The following CAMK2B variants were observed in gnomAD, a reference collection of about 807,000 sequenced individuals.
The protein encoded by CAMK2B is calcium/calmodulin dependent protein kinase II beta.
Under a neutral mutation model 93.7 loss-of-function variants are expected in CAMK2B, and 27 were observed. The ratio of observed to expected loss-of-function variants is 0.29; its 90% confidence interval spans 0.21 to 0.40. CAMK2B has a LOEUF of 0.40. Ranked by LOEUF, CAMK2B falls within the 10% of genes least tolerant of loss-of-function variation. The probability of loss-of-function intolerance (pLI) is 1.00; values close to 1 mark genes in which losing one functional copy is unlikely to be tolerated. For synonymous variants in CAMK2B, 374 were observed against 358.8 expected, an observed-to-expected ratio of 1.04 and a Z score of -0.48; for missense variants, 568 against 895.8, an observed-to-expected ratio of 0.63 and a Z score of 4.67.
At chr7:44,296,828 C>A (rs1788446973) in intron 1 of CAMK2B, among the ~76,000 whole-genome samples, 1 of 151,722 alleles carries the variant, frequency 6.6e-6, no homozygotes, top group Non-Finnish European at 1.5e-5. Flanking sequence ...GAGAAATTAT[C>A]CATCAAAAAT....
intron 18 of CAMK2B, 31 bp downstream of exon 18, chr7:44,229,357 C>T: frequency 7.0e-7 from 1 of 1,437,936 alleles, no homozygotes. Context: ...TCCAACATGA[C>T]CCCCACAGCA....
chr7:44,285,830 AGGGGGCGCGGTGTG>A (rs1350095408), intron 1 of CAMK2B, among the ~76,000 whole-genome samples: 7 of 24,382 alleles, frequency 2.9e-4, no homozygotes, highest in African/African-American at 1.1e-3. Context: ...GGCGCGGCGG[AGGGGGCGCGGTGTG>A]GGGGGGACAC....
intron 1 of CAMK2B, among the ~76,000 whole-genome samples, chr7:44,305,376 T>C (rs1791176717): frequency 6.6e-6 from 1 of 152,178 alleles, no homozygotes; most frequent in Non-Finnish European, 1.5e-5. Context: ...CCCAGCACTT[T>C]GGGAGGCCAA....
intron 1 of CAMK2B, among the ~76,000 whole-genome samples, chr7:44,323,568 G>A (rs778050524): frequency 2.0e-5 from 3 of 152,222 alleles, no homozygotes; most frequent in Non-Finnish European, 2.9e-5. Flanking sequence ...GCCGCTGGAC[G>A]CAGGGAGGCT....
chr7:44,301,370 C>T (rs570539120), intron 1 of CAMK2B, among the ~76,000 whole-genome samples: 1 of 152,336 alleles, frequency 6.6e-6, no homozygotes, highest in East Asian at 1.9e-4. Flanking sequence ...CTCCTGTCCT[C>T]AAGTGGTTCT....
intron 22 of CAMK2B, 139 bp downstream of exon 22, chr7:44,220,477 G>C: frequency 1.2e-6 from 1 of 863,262 alleles, no homozygotes. Flanking sequence ...GGCCTCTGGC[G>C]GGGGAGAGGT....
chr7:44,286,879 C>G lies in CAMK2B; in HGVS notation c.66-2654G>C, dbSNP rs887787678. On this transcript the variant is annotated intron_variant, in intron 1 of 23. Transcript: ENST00000395749. This position sits in a 1 kb window ranked among gnomAD's most constrained non-coding sequence, Gnocchi z 4.0. Reference sequence around the variant, plus strand: ...CGGGATGAGTGTGGAGTGGGAGCACCAGGCCGCACAGCTGTAGTGACATAG... The same window carrying G: ...CGGGATGAGTGTGGAGTGGGAGCACGAGGCCGCACAGCTGTAGTGACATAG... Among the ~76,000 whole-genome samples, 3 of 152,018 alleles carry G rather than the reference C, an allele frequency of 2.0e-5. No homozygotes were observed. The highest frequency in any genetic ancestry group is 6.5e-5 in the Admixed American group (1 of 15,272).
At chr7:44,270,306 T>G (rs1428530608) in intron 2 of CAMK2B, among the ~76,000 whole-genome samples, 1 of 152,134 alleles carries the variant, frequency 6.6e-6, no homozygotes, top group Admixed American at 6.5e-5. Context: ...TGCCCTGGCC[T>G]GGAAGCAGTG....
chr7:44,242,368 G>T (rs370554139), intron 9 of CAMK2B, 28 bp from the exon 10 acceptor site: 42 of 1,603,594 alleles, frequency 2.6e-5, no homozygotes, highest in Non-Finnish European at 3.6e-5. Context: ...GCCCCGGCCG[G>T]GCCTGAAGCT....
At chr7:44,268,994 G>A (rs1227605328) in intron 2 of CAMK2B, among the ~76,000 whole-genome samples, 1 of 152,224 alleles carries the variant, frequency 6.6e-6, no homozygotes, top group East Asian at 1.9e-4. Context: ...TGTGGAGGGA[G>A]CTCCTCCCCT....
chr7:44,259,135 A>G (rs1347991075), intron 3 of CAMK2B, among the ~76,000 whole-genome samples: 4 of 152,088 alleles, frequency 2.6e-5, no homozygotes, highest in African/African-American at 9.7e-5. Flanking sequence ...CCCAGCGAGC[A>G]CCCACAGGGC....
chr7:44,235,276 C>A (rs1309917295), intron 13 of CAMK2B, among the ~76,000 whole-genome samples: 1 of 152,258 alleles, frequency 6.6e-6, no homozygotes, highest in African/African-American at 2.4e-5. Context: ...TGCTCGCCCT[C>A]ATTCCGAGCT....
chr7:44,276,273 C>A (rs1003140982), intron 2 of CAMK2B, among the ~76,000 whole-genome samples: 1 of 152,128 alleles, frequency 6.6e-6, no homozygotes, highest in African/African-American at 2.4e-5. Context: ...CCCTGCAATG[C>A]GGCGCCTTGT....
chr7:44,308,023 A>AT (rs1430877293), intron 1 of CAMK2B, among the ~76,000 whole-genome samples: 1 of 151,980 alleles, frequency 6.6e-6, no homozygotes, highest in African/African-American at 2.4e-5. Context: ...TTTGACCTAT[A>AT]GGAGCTCTTT....
intron 1 of CAMK2B, among the ~76,000 whole-genome samples, chr7:44,306,152 G>A (rs892718744): frequency 6.6e-6 from 1 of 151,666 alleles, no homozygotes; most frequent in Non-Finnish European, 1.5e-5. Context: ...GAGGGGGTGA[G>A]CACTCTTCCT....
In CAMK2B at chr7:44,229,436, G is replaced by A; in HGVS notation, c.1291C>T (p.Pro431Ser). Residue 431 changes from proline (P) to serine (S), a missense_variant, in exon 18 of 24, where the codon CCC (proline) becomes TCC (serine). Pro to Ser is a moderately conservative substitution (Grantham distance 74). Transcript: ENST00000395749. ...GGAGCCGGAGATGGGCAGGGCAGGGGCCCCTCGGCTTCTGGGGCTCCCGAG... is the reference window on the plus strand; with the variant it reads ...GGAGCCGGAGATGGGCAGGGCAGGGACCCCTCGGCTTCTGGGGCTCCCGAG... ...RGSGAPEAEG[P>S]LPCPSPAPFS... The A allele has an allele frequency of 2.0e-6, 3 of 1,499,288 alleles. No homozygotes were observed. The highest frequency in any genetic ancestry group is 1.3e-5 in the South Asian group (1 of 76,882). The allele number at this position is 1,499,288 out of a possible 1,614,324, so 92.9% of individuals were successfully genotyped here. A position where few individuals can be genotyped will look rare whatever the true frequency, so the allele number is the denominator to read the frequency against.
intron 1 of CAMK2B, among the ~76,000 whole-genome samples, chr7:44,285,453 A>G (rs1784792192): frequency 6.6e-6 from 1 of 152,150 alleles, no homozygotes; most frequent in Non-Finnish European, 1.5e-5. Flanking sequence ...TCCCCCCTAC[A>G]GGAACAGCCT....
intron 20 of CAMK2B, 152 bp from the exon 21 acceptor site, chr7:44,221,053 C>A (rs1408085857): frequency 3.3e-6 from 2 of 610,334 alleles, no homozygotes; most frequent in Middle Eastern, 4.3e-4. Flanking sequence ...CCGCCGCCCC[C>A]CCTGCATCAC....
At position 44,248,361 on chromosome 7, in the gene CAMK2B, C is replaced by T. The variant is rs1562895694; in HGVS notation, c.342-1169G>A. On this transcript the variant is annotated intron_variant, in intron 5 of 23. Transcript: ENST00000395749. This position sits in a 1 kb window ranked among gnomAD's most constrained non-coding sequence, Gnocchi z 4.1. The stretch of plus-strand genomic sequence containing the variant: ...AGGGCCACGGAGCCCCTGCACACAC[C>T]GAGAGCCCGTGGCTTGAATCTGCTT... Among the ~76,000 whole-genome samples the T allele has an allele frequency of 6.6e-6, 1 of 152,186 alleles. No homozygotes were observed. The highest frequency in any genetic ancestry group is 1.9e-4 in the East Asian group (1 of 5,188).
Sources: gnomAD v4.1 joint callset for allele counts (sites outside exome capture counted in the v4.1 genomes callset) on GRCh38, gnomAD v4.1.1 for gene constraint, Gnocchi (gnomAD v3.1) non-coding constraint, MANE v1.5 for transcripts, NCBI Gene and HGNC (gene_info 2026-07-23, HGNC 2026-07-21) for gene names.